Variants in MAFG observed in about 807,000 individuals in gnomAD.
MAFG encodes the protein transcription factor MafG.
Under a neutral mutation model 12.2 loss-of-function variants are expected in MAFG, and 3 were observed. That is an observed-to-expected ratio of 0.25 (90% CI 0.11 to 0.64). MAFG has a LOEUF of 0.64. Among genes scored for constraint, MAFG ranks in the 30% least tolerant of loss-of-function variants. The probability of loss-of-function intolerance (pLI) is 0.85; values close to 1 mark genes in which losing one functional copy is unlikely to be tolerated. For missense variants in MAFG, 153 were observed against 235.5 expected (o/e 0.65, Z 2.29); for synonymous variants, 126 against 109.1 (o/e 1.15, Z -0.96).
At chr17:81,929,080 C>T (rs973030095), upstream of MAFG, among the ~76,000 whole-genome samples, 1 of 152,240 alleles carries the variant, frequency 6.6e-6, no homozygotes, top group Admixed American at 6.5e-5. This position sits in a 1 kb window ranked among gnomAD's most constrained non-coding sequence, Gnocchi z 5.7. Context: ...GCCCCCACCC[C>T]GCGGGCAGAC....
chr17:81,923,876 G>A (rs911567247), intron 1 of MAFG, among the ~76,000 whole-genome samples: 2 of 152,210 alleles, frequency 1.3e-5, no homozygotes, highest in African/African-American at 2.4e-5. Context: ...AGGGAACCCC[G>A]AGTCTCCCAG....
At chr17:81,930,101 G>T (rs1431346834), upstream of MAFG, 1 of 152,404 alleles carries the variant, frequency 6.6e-6, no homozygotes. This position sits in a 1 kb window ranked among gnomAD's most constrained non-coding sequence, Gnocchi z 4.1. Flanking sequence ...GCAGATCTCA[G>T]CCAGATGCTG....
intron 1 of MAFG, among the ~76,000 whole-genome samples, chr17:81,925,973 G>A (rs191256068): frequency 5.0e-4 from 66 of 132,842 alleles, no homozygotes; most frequent in African/African-American, 1.8e-3. Flanking sequence ...TGTATGTGTG[G>A]GGGGTGCTCA....
In MAFG at chr17:81,924,670, C is replaced by A. The variant is rs2040925474; in HGVS notation, c.-29-1456G>T. On this transcript the variant is annotated intron_variant, in intron 1 of 2. Coordinates refer to ENST00000357736, the MANE Select transcript of MAFG (RefSeq NM_002359.4). This position sits in a 1 kb window ranked among gnomAD's most constrained non-coding sequence, Gnocchi z 4.7. ...CCAGCTCAGAGGCAAGGTCCCGAGG[C>A]TCCAGCCACTGGATTCTTCCAGATA... is the stretch of plus-strand genomic sequence containing the variant. Among the ~76,000 whole-genome samples the A allele has an allele frequency of 6.6e-6, 1 of 152,198 alleles. No individual in the cohort carries two copies. Among genetic ancestry groups the A allele is most frequent in the African/African-American group, 2.4e-5 (1 of 41,438 alleles).
chr17:81,923,864 A>T (rs1481339507), intron 1 of MAFG, among the ~76,000 whole-genome samples: 1 of 152,210 alleles, frequency 6.6e-6, no homozygotes, highest in Admixed American at 6.5e-5. Context: ...AGAGGAGGCT[A>T]CAGGGAACCC....
At position 81,922,809 on chromosome 17, in the gene MAFG, T is replaced by A. The variant is rs747225135; in HGVS notation, c.285A>T (p.Ser95=). The A allele has an allele frequency of 3.1e-6, 5 of 1,606,684 alleles. No individual in the cohort carries two copies. Among genetic ancestry groups the A allele is most frequent in the Non-Finnish European group, 4.2e-6 (5 of 1,176,728 alleles). Reference sequence around the variant, plus strand: ...GCTCCAGCTTCATGCTGGCGTTCTCTGAGGCCAGCTTCTCCACCTCCTGCT... The same window carrying A: ...GCTCCAGCTTCATGCTGGCGTTCTCAGAGGCCAGCTTCTCCACCTCCTGCT... ...ELQQEVEKLA[S]ENASMKLELD... is the part of the protein sequence containing the mutation. The change falls in exon 3 of 3, where the codon TCA becomes TCT. Residue 95 remains serine, a synonymous_variant. Transcript: ENST00000357736.
In MAFG at chr17:81,926,628, CAG is replaced by C. The variant is rs1303821133; in HGVS notation, c.-30+898_-30+899del. On this transcript the variant is annotated intron_variant, in intron 1 of 2. Transcript: ENST00000357736. The surrounding 1 kb of genome is among the most constrained non-coding windows in gnomAD (Gnocchi z 4.6). Reference sequence around the variant, plus strand: ...ACCGAAGCTCCTCCCCTCCCTCACTCAGGGAACTATTTCCCAGTTTGGAAAAC... The same window carrying C: ...ACCGAAGCTCCTCCCCTCCCTCACTCGGAACTATTTCCCAGTTTGGAAAAC... 2.0e-5 allele frequency among the ~76,000 whole-genome samples: 3 copies of C among 152,174 alleles called. No homozygotes were observed. Among genetic ancestry groups the C allele is most frequent in the African/African-American group, 7.2e-5 (3 of 41,424 alleles).
intron 1 of MAFG, among the ~76,000 whole-genome samples, chr17:81,927,211 G>A (rs372795790): frequency 1.3e-5 from 2 of 151,256 alleles, no homozygotes; most frequent in East Asian, 3.9e-4. Flanking sequence ...CCGCCGTCCA[G>A]TGCCCCTCCC....
Position 81,920,145 on chromosome 17 carries a change from A to G in MAFG, c.*2460T>C, listed in dbSNP as rs1279509870. 8 of 152,340 alleles carry G rather than the reference A, an allele frequency of 5.3e-5. No individual in the cohort carries two copies. In the East Asian group the frequency reaches 1.5e-3, roughly 29 times the overall value. 9.4% of individuals were successfully genotyped at this position (152,340 alleles called of 1,614,324 possible). The stretch of plus-strand genomic sequence containing the variant: ...CATGGATACTTATGATATGATTCCA[A>G]CTAACGCCTGGATTCTACTTAGACA... On this transcript the variant is annotated 3_prime_UTR_variant, in exon 3 of 3. Coordinates refer to ENST00000357736, the MANE Select transcript of MAFG (RefSeq NM_002359.4).
At position 81,923,125 on chromosome 17, in the gene MAFG, CA is replaced by C. The variant is rs781036748; in HGVS notation, c.36+24del. The C allele has an allele frequency of 2.6e-4, 423 of 1,611,998 alleles. 2 individuals are homozygous for C. The highest frequency in any genetic ancestry group is 6.6e-4 in the Middle Eastern group (4 of 6,046). On this transcript the variant is annotated intron_variant, in intron 2 of 2. Transcript: ENST00000357736. The stretch of plus-strand genomic sequence containing the variant: ...CACTGTGCCCCCCGACCCCAGCCCA[CA>C]GGCTCCTGTCCCTGCCCACTCACCT...
chr17:81,924,931 C>T lies in MAFG; in HGVS notation c.-29-1717G>A, dbSNP rs1242216171. Among the ~76,000 whole-genome samples the T allele has an allele frequency of 2.0e-5, 3 of 152,234 alleles. No homozygotes were observed. Among genetic ancestry groups the T allele is most frequent in the African/African-American group, 4.8e-5 (2 of 41,454 alleles). On this transcript the variant is annotated intron_variant, in intron 1 of 2. Coordinates refer to ENST00000357736, the MANE Select transcript of MAFG (RefSeq NM_002359.4). The surrounding 1 kb of genome is among the most constrained non-coding windows in gnomAD (Gnocchi z 4.7). Reference sequence around the variant, plus strand: ...GTGGTGACTTCCTGAAGAGATCACACGGAAAAGTGCCTCCTCGACAGATTT... The same window carrying T: ...GTGGTGACTTCCTGAAGAGATCACATGGAAAAGTGCCTCCTCGACAGATTT...
Position 81,925,996 on chromosome 17 carries a change from C to CTGTGTGTGTGTG in MAFG, c.-30+1520_-30+1531dup, listed in dbSNP as rs532478689. Among the ~76,000 whole-genome samples, 57 of 89,024 alleles carry CTGTGTGTGTGTG rather than the reference C, an allele frequency of 6.4e-4. 2 individuals are homozygous for CTGTGTGTGTGTG. Among genetic ancestry groups the CTGTGTGTGTGTG allele is most frequent in the African/African-American group, 2.6e-3 (55 of 21,200 alleles). The allele number at this position is 89,024 out of a possible 152,430, so 58.4% of individuals were successfully genotyped here. The stretch of plus-strand genomic sequence containing the variant: ...TGGGGGGTGCTCACTGAGAATGGAC[C>CTGTGTGTGTGTG]TGTGTGTGTGTGTGTGTGTGTGTGT... On this transcript the variant is annotated intron_variant, in intron 1 of 2. Coordinates refer to ENST00000357736, the MANE Select transcript of MAFG (RefSeq NM_002359.4).
At chr17:81,930,917 G>A (rs959798898), upstream of MAFG, among the ~76,000 whole-genome samples, 1 of 152,180 alleles carries the variant, frequency 6.6e-6, no homozygotes, top group Non-Finnish European at 1.5e-5. The surrounding 1 kb of genome is among the most constrained non-coding windows in gnomAD (Gnocchi z 4.1). Flanking sequence ...CAGGATCCTT[G>A]GGTCCTTGGC....
chr17:81,927,065 C>T (rs981598131), intron 1 of MAFG, among the ~76,000 whole-genome samples: 4 of 152,132 alleles, frequency 2.6e-5, no homozygotes, highest in Non-Finnish European at 2.9e-5. Flanking sequence ...CATCGCCGCC[C>T]CTCCTCCCGG....
Position 81,925,664 on chromosome 17 carries a change from C to T in MAFG, c.-30+1864G>A, listed in dbSNP as rs375955564. 5.9e-5 allele frequency among the ~76,000 whole-genome samples: 9 copies of T among 152,002 alleles called. No individual in the cohort carries two copies. The East Asian group carries it at 1.2e-3, about 20-fold the overall frequency. On this transcript the variant is annotated intron_variant, in intron 1 of 2. Transcript: ENST00000357736. Reference sequence around the variant, plus strand: ...TCTACTAAAAATACAAAAAAATAGCCGGGCGTCGTGGTGGGCGCCTGTAGT... The same window carrying T: ...TCTACTAAAAATACAAAAAAATAGCTGGGCGTCGTGGTGGGCGCCTGTAGT...
intron 1 of MAFG, among the ~76,000 whole-genome samples, chr17:81,923,686 A>T (rs1175359941): frequency 6.6e-6 from 1 of 151,058 alleles, no homozygotes; most frequent in Non-Finnish European, 1.5e-5. Flanking sequence ...ACAGCGCCCC[A>T]CGAGAGCCGC....
intron 1 of MAFG, among the ~76,000 whole-genome samples, chr17:81,923,731 G>C (rs1363705321): frequency 2.0e-5 from 3 of 152,068 alleles, no homozygotes; most frequent in Non-Finnish European, 2.9e-5. Flanking sequence ...GTGAGGGCCA[G>C]CCAGTGACCC....
intron 1 of MAFG, among the ~76,000 whole-genome samples, chr17:81,923,844 A>G (rs2040919724): frequency 6.6e-6 from 1 of 152,048 alleles, no homozygotes; most frequent in Non-Finnish European, 1.5e-5. Flanking sequence ...CCCACGGGGG[A>G]CCTGGCCAGA....
chr17:81,928,778 C>A (rs551646300), upstream of MAFG, among the ~76,000 whole-genome samples: 1 of 152,348 alleles, frequency 6.6e-6, no homozygotes, highest in Non-Finnish European at 1.5e-5. The surrounding 1 kb of genome is among the most constrained non-coding windows in gnomAD (Gnocchi z 8.1). Context: ...CAAAACAGCA[C>A]ACGGGGCCCT....
Sources: gnomAD v4.1 joint callset for allele counts (sites outside exome capture counted in the v4.1 genomes callset) on GRCh38, gnomAD v4.1.1 for gene constraint, Gnocchi (gnomAD v3.1) non-coding constraint, MANE v1.5 for transcripts, NCBI Gene and HGNC (gene_info 2026-07-23, HGNC 2026-07-21) for gene names.